Variants in RPSA2 observed in about 807,000 individuals in gnomAD.
The protein encoded by RPSA2 is small ribosomal subunit protein uS2B.
chr19:23,811,259 C>T, the RPSA2 span, among the ~76,000 whole-genome samples: 1 of 152,048 alleles, frequency 6.6e-6, no homozygotes, highest in African/African-American at 2.4e-5. Flanking sequence ...TCAGGTGATC[C>T]ACCCACCTCA....
the RPSA2 span, among the ~76,000 whole-genome samples, chr19:23,792,737 A>G: frequency 6.6e-6 from 1 of 151,346 alleles, no homozygotes; most frequent in African/African-American, 2.4e-5. Flanking sequence ...CTAGTCTCAG[A>G]CTCCTGACCT....
At chr19:23,811,648 T>C in the RPSA2 span, among the ~76,000 whole-genome samples, 1 of 151,910 alleles carries the variant, frequency 6.6e-6, no homozygotes, top group Non-Finnish European at 1.5e-5. Context: ...GTGCCTGAAT[T>C]AAATTAGGTA....
chr19:23,775,443 A>C, the RPSA2 span, among the ~76,000 whole-genome samples: 1 of 152,198 alleles, frequency 6.6e-6, no homozygotes, highest in African/African-American at 2.4e-5. Flanking sequence ...TCACGGGTCC[A>C]TAGCAGCAGA....
the RPSA2 span, among the ~76,000 whole-genome samples, chr19:23,772,446 A>G: frequency 2.6e-5 from 4 of 152,184 alleles, no homozygotes; most frequent in Admixed American, 2.6e-4. Flanking sequence ...CATATACTAT[A>G]GTCAGCTTAT....
At chr19:23,787,057 C>T in the RPSA2 span, among the ~76,000 whole-genome samples, 2 of 152,076 alleles carry the variant, frequency 1.3e-5, no homozygotes, top group African/African-American at 4.8e-5. Context: ...ATGTGGGTCT[C>T]ATCTTCTGCC....
At chr19:23,773,274 AT>A in the RPSA2 span, among the ~76,000 whole-genome samples, 1 of 91,180 alleles carries the variant, frequency 1.1e-5, no homozygotes, top group African/African-American at 4.3e-5. Flanking sequence ...TTTGATATAT[AT>A]ATATATATAT....
chr19:23,765,170 G>GA, the RPSA2 span, among the ~76,000 whole-genome samples: 2 of 152,144 alleles, frequency 1.3e-5, no homozygotes, highest in Non-Finnish European at 2.9e-5. Flanking sequence ...TTTCACAAAG[G>GA]AATGCTTCTA....
chr19:23,851,089 T>G, the RPSA2 span, among the ~76,000 whole-genome samples: 148,924 of 152,256 alleles, frequency 0.98, 72,926 homozygotes, highest in Middle Eastern at 1. Context: ...AACATGGGCC[T>G]TGCCTTCTCC....
the RPSA2 span, among the ~76,000 whole-genome samples, chr19:23,835,358 G>C: frequency 6.6e-6 from 1 of 151,652 alleles, no homozygotes; most frequent in Non-Finnish European, 1.5e-5. Flanking sequence ...CTGTTTGTGT[G>C]AGTATAAATT....
chr19:23,812,597 C>T, the RPSA2 span, among the ~76,000 whole-genome samples: 11 of 152,042 alleles, frequency 7.2e-5, no homozygotes, highest in African/African-American at 2.4e-4. Flanking sequence ...CGGGGTTTCT[C>T]CATGTTGGTT....
chr19:23,833,118 T>G, the RPSA2 span: 7 of 1,234,250 alleles, frequency 5.7e-6, no homozygotes, highest in Non-Finnish European at 7.2e-6. Context: ...ATAAGGTAAT[T>G]CTTACTGGTT....
At chr19:23,835,695 G>GGCTACA in the RPSA2 span, among the ~76,000 whole-genome samples, 2 of 151,972 alleles carry the variant, frequency 1.3e-5, no homozygotes, top group Non-Finnish European at 2.9e-5. Context: ...GGAGTGCAAT[G>GGCTACA]GTGAGATCTT....
chr19:23,832,809 T>A, the RPSA2 span: 1 of 1,577,666 alleles, frequency 6.3e-7, no homozygotes, highest in Non-Finnish European at 8.6e-7. Flanking sequence ...CCTACAAATG[T>A]GAAGAATGTG....
At chr19:23,781,068 A>G in the RPSA2 span, among the ~76,000 whole-genome samples, 4 of 152,120 alleles carry the variant, frequency 2.6e-5, no homozygotes, top group Admixed American at 6.5e-5. Flanking sequence ...TCCACCTACC[A>G]GGTTCAAGCG....
At chr19:23,788,248 G>GT in the RPSA2 span, among the ~76,000 whole-genome samples, 148,867 of 152,200 alleles carry the variant, frequency 0.98, 72,896 homozygotes, top group Middle Eastern at 1. Flanking sequence ...CAGCTCCTAT[G>GT]TATCTGACTC....
At chr19:23,852,823 C>T in the RPSA2 span, among the ~76,000 whole-genome samples, 1 of 152,156 alleles carries the variant, frequency 6.6e-6, no homozygotes, top group Non-Finnish European at 1.5e-5. Context: ...TTAAGGTTTT[C>T]AAAGAATCTC....
chr19:23,807,554 A>G, the RPSA2 span, among the ~76,000 whole-genome samples: 3 of 152,232 alleles, frequency 2.0e-5, no homozygotes, highest in Admixed American at 6.5e-5. Context: ...AAAAATGTGC[A>G]TGTTAGTGTC....
chr19:23,870,728 C>A, the RPSA2 span, among the ~76,000 whole-genome samples: 1 of 152,090 alleles, frequency 6.6e-6, no homozygotes, highest in Non-Finnish European at 1.5e-5. Flanking sequence ...GATGGATTGC[C>A]AATCAGAAAA....
the RPSA2 span, among the ~76,000 whole-genome samples, chr19:23,788,624 C>G: frequency 6.6e-6 from 1 of 152,150 alleles, no homozygotes; most frequent in Admixed American, 6.5e-5. Flanking sequence ...TGATGTGACT[C>G]TTCGTCAGCC....
Sources: gnomAD v4.1 joint callset for allele counts (sites outside exome capture counted in the v4.1 genomes callset) on GRCh38, gnomAD v4.1.1 for gene constraint, MANE v1.5 for transcripts, NCBI Gene and HGNC (gene_info 2026-07-23, HGNC 2026-07-21) for gene names.